The following PLXNA4 variants were observed in gnomAD, a reference collection of about 807,000 sequenced individuals.
PLXNA4 encodes plexin-A4.
Under a neutral mutation model 191.8 loss-of-function variants are expected in PLXNA4, and 44 were observed. That is an observed-to-expected ratio of 0.23 (90% confidence interval 0.18 to 0.29). The LOEUF is 0.29. Among genes scored for constraint, PLXNA4 ranks in the 10% least tolerant of loss-of-function variants. The pLI, the probability that PLXNA4 is intolerant of heterozygous loss-of-function variation, is 1.00. For synonymous variants in PLXNA4, 1,082 were observed against 1,009.5 expected, an observed-to-expected ratio of 1.07 and a Z score of -1.36; for missense variants, 1,800 against 2,488.8, an observed-to-expected ratio of 0.72 and a Z score of 5.89.
At position 132,159,485 on chromosome 7, in the gene PLXNA4, C is replaced by G. The variant is rs758264760; in HGVS notation, c.4648G>C (p.Asp1550His). 1.9e-6 allele frequency: 3 copies of G among 1,614,152 alleles called. No individual in the cohort carries two copies. The highest frequency in any genetic ancestry group is 2.5e-6 in the Non-Finnish European group (3 of 1,180,010). Residue 1550 changes from aspartate (D) to histidine (H), a missense_variant, in exon 25 of 32, where the codon GAT (aspartate) becomes CAT (histidine). Physicochemically the swap from Asp to His is moderately conservative, Grantham distance 81 (BLOSUM62 -1). Coordinates refer to ENST00000321063, the MANE Select transcript of PLXNA4 (RefSeq NM_020911.2). ...VPCSHRPKAA[D>H]MDLEWRQGSG... ...ACAGCCTACTCACCCAGATCCATAT[C>G]TGCAGCTTTGGGCCGGTGGGAGCAA...
chr7:132,466,732 C>G (rs1796720660), intron 3 of PLXNA4, among the ~76,000 whole-genome samples: 1 of 152,210 alleles, frequency 6.6e-6, no homozygotes, highest in Non-Finnish European at 1.5e-5. Flanking sequence ...CCACTTCCAT[C>G]TTTTCTTTTT....
intron 3 of PLXNA4, among the ~76,000 whole-genome samples, chr7:132,411,859 AAT>A: frequency 6.6e-6 from 1 of 152,086 alleles, no homozygotes; most frequent in African/African-American, 2.4e-5. Flanking sequence ...AAGGATCCCA[AAT>A]TCTACGTCCA....
intron 4 of PLXNA4, among the ~76,000 whole-genome samples, chr7:132,275,543 C>T (rs1375851067): frequency 6.6e-6 from 1 of 152,124 alleles, no homozygotes; most frequent in East Asian, 1.9e-4. Context: ...CAAAAACCAC[C>T]CAAACATTGC....
At chr7:132,287,567 C>A (rs553036657) in intron 4 of PLXNA4, among the ~76,000 whole-genome samples, 4 of 152,250 alleles carry the variant, frequency 2.6e-5, no homozygotes, top group South Asian at 2.1e-4. Context: ...GTTCATGACC[C>A]CCCCCGGAGC....
At chr7:132,451,350 A>G (rs117813303) in intron 3 of PLXNA4, among the ~76,000 whole-genome samples, 1 of 152,238 alleles carries the variant, frequency 6.6e-6, no homozygotes, top group East Asian at 1.9e-4. Context: ...TATCACAGGA[A>G]AAGGGTTAGA....
At position 132,148,647 on chromosome 7, in the gene PLXNA4, C is replaced by G; in HGVS notation, c.4661-1G>C. The G allele has an allele frequency of 6.2e-7, 1 of 1,614,156 alleles. No individual in the cohort carries two copies. The highest frequency in any genetic ancestry group is 1.1e-5 in the South Asian group (1 of 91,078). On this transcript the variant is annotated splice_acceptor_variant, in intron 25 of 31. Coordinates refer to ENST00000321063, the MANE Select transcript of PLXNA4 (RefSeq NM_020911.2). LOFTEE classifies it high-confidence loss of function. ...CTTGCCCCACTTCCTTGTCGCCACT[C>G]TGCCAAAAGAGCGGTGGCGTTTCAG...
intron 3 of PLXNA4, among the ~76,000 whole-genome samples, chr7:132,457,754 T>G (rs1178039277): frequency 1.3e-5 from 2 of 152,170 alleles, no homozygotes; most frequent in Middle Eastern, 3.2e-3. Context: ...GAGGGAGACT[T>G]TACTACACTG....
At chr7:132,243,316 C>T (rs1798942076) in intron 4 of PLXNA4, among the ~76,000 whole-genome samples, 1 of 152,130 alleles carries the variant, frequency 6.6e-6, no homozygotes, top group Non-Finnish European at 1.5e-5. Flanking sequence ...GAAAATCATG[C>T]CTTGCTCAAT....
intron 2 of PLXNA4, among the ~76,000 whole-genome samples, chr7:132,644,637 C>T (rs1803830449): frequency 6.6e-6 from 1 of 152,102 alleles, no homozygotes; most frequent in Non-Finnish European, 1.5e-5. Context: ...GCATTGGTTC[C>T]AGGGAAATAG....
intron 10 of PLXNA4, among the ~76,000 whole-genome samples, chr7:132,206,672 C>T (rs889500248): frequency 2.6e-5 from 4 of 152,058 alleles, no homozygotes; most frequent in Non-Finnish European, 5.9e-5. Flanking sequence ...CCTGGAGGCT[C>T]TCTCTCCTGT....
chr7:132,526,778 A>C (rs568585091), intron 1 of PLXNA4, among the ~76,000 whole-genome samples: 14 of 152,156 alleles, frequency 9.2e-5, no homozygotes, highest in Non-Finnish European at 1.6e-4. Context: ...GGTCACTAGG[A>C]CTGATGGCAC....
chr7:132,254,195 G>C (rs1799352952), intron 4 of PLXNA4, among the ~76,000 whole-genome samples: 2 of 152,092 alleles, frequency 1.3e-5, no homozygotes, highest in African/African-American at 2.4e-5. Context: ...TCATCTATCT[G>C]TATGATAGGG....
intron 3 of PLXNA4, among the ~76,000 whole-genome samples, chr7:132,368,689 C>T (rs1362287366): frequency 6.6e-6 from 1 of 152,184 alleles, no homozygotes; most frequent in East Asian, 1.9e-4. Flanking sequence ...CCGTCCCCAT[C>T]AACAGTTGTA....
chr7:132,497,836 T>C (rs544304734), intron 2 of PLXNA4, among the ~76,000 whole-genome samples: 1 of 152,132 alleles, frequency 6.6e-6, no homozygotes, highest in Non-Finnish European at 1.5e-5. Context: ...GCTCATACAC[T>C]CAGTTACTAA....
rs767677466 is a variant in PLXNA4 at position 132,210,997 on chromosome 7, C to T, written c.2244G>A (p.Gln748=). ...ECILNIQGSE[Q]RVPALRFNSS... The stretch of plus-strand genomic sequence containing the variant: ...TGTTGAAGCGCAGGGCGGGCACTCG[C>T]TGCTCGCTGCCCTGAATGTTGAGGA... Residue 748 remains glutamine, a synonymous_variant, in exon 10 of 32, where the codon CAG becomes CAA. Transcript: ENST00000321063. 3.7e-6 allele frequency: 6 copies of T among 1,613,774 alleles called. No homozygotes were observed. In the East Asian group the frequency reaches 8.9e-5, roughly 24 times the overall value.
At chr7:132,162,306 C>T (rs919566021) in intron 24 of PLXNA4, among the ~76,000 whole-genome samples, 2 of 152,202 alleles carry the variant, frequency 1.3e-5, no homozygotes, top group African/African-American at 2.4e-5. Context: ...AAAACAATTG[C>T]AGTTTCTTTC....
chr7:132,554,821 A>AT (rs1326471252), intron 1 of PLXNA4, among the ~76,000 whole-genome samples: 1 of 152,138 alleles, frequency 6.6e-6, no homozygotes, highest in East Asian at 1.9e-4. Flanking sequence ...TGCAAACACC[A>AT]TGTACACTGA....
At chr7:132,426,249 C>T (rs902502026) in intron 3 of PLXNA4, among the ~76,000 whole-genome samples, 7 of 152,226 alleles carry the variant, frequency 4.6e-5, no homozygotes, top group African/African-American at 1.7e-4. Flanking sequence ...ATCAGCCCTT[C>T]AATGGCCCCC....
chr7:132,614,791 G>A (rs1355391215), intron 2 of PLXNA4, among the ~76,000 whole-genome samples: 1 of 152,186 alleles, frequency 6.6e-6, no homozygotes, highest in Non-Finnish European at 1.5e-5. Context: ...CTTGGGAAAT[G>A]CCGGAGACAC....
Sources: gnomAD v4.1 joint callset for allele counts (sites outside exome capture counted in the v4.1 genomes callset) on GRCh38, gnomAD v4.1.1 for gene constraint, MANE v1.5 for transcripts, NCBI Gene and HGNC (gene_info 2026-07-23, HGNC 2026-07-21) for gene names.